SLC51A: variants seen among roughly 807,000 people sequenced by gnomAD.
The protein encoded by SLC51A is organic solute transporter subunit alpha.
In SLC51A, 22 loss-of-function variants were observed where a neutral mutation model predicts 34.8. The observed-to-expected ratio is 0.63, with a 90% confidence interval of 0.45 to 0.90. SLC51A has a LOEUF of 0.90. SLC51A is among the 40% of genes least tolerant of loss of function. The probability of loss-of-function intolerance (pLI) is 0.00; values close to 1 mark genes in which losing one functional copy is unlikely to be tolerated. For missense variants in SLC51A, 371 were observed against 414.8 expected, an observed-to-expected ratio of 0.89 and a Z score of 0.92; for synonymous variants, 181 against 176.3, an observed-to-expected ratio of 1.03 and a Z score of -0.21.
chr3:196,225,155 G>A (rs558217505), intron 2 of SLC51A, among the ~76,000 whole-genome samples: 4 of 151,700 alleles, frequency 2.6e-5, no homozygotes, highest in Non-Finnish European at 5.9e-5. Flanking sequence ...TGTATTTTTA[G>A]TAGAGGTGGG....
Position 196,233,295 on chromosome 3 carries a change from C to T in SLC51A, c.*96C>T. ...CTTGACCAAATGGGAAGCATTCCCC[C>T]TTGTCAACACAAGCTGGCAGATACA... On this transcript the variant is annotated 3_prime_UTR_variant, in exon 9 of 9. Coordinates refer to ENST00000296327, the MANE Select transcript of SLC51A (RefSeq NM_152672.6). The T allele has an allele frequency of 1.5e-6, 2 of 1,326,756 alleles. No individual in the cohort carries two copies. Among genetic ancestry groups the T allele is most frequent in the Non-Finnish European group, 2.1e-6 (2 of 961,064 alleles). The allele number at this position is 1,326,756 out of a possible 1,614,324, so 82.2% of individuals were successfully genotyped here.
intron 2 of SLC51A, among the ~76,000 whole-genome samples, chr3:196,224,717 AGGG>A (rs545733198): frequency 1.7e-5 from 1 of 59,664 alleles, no homozygotes; most frequent in African/African-American, 6.5e-5. Context: ...AGGAGATGGG[AGGG>A]GAGGAGAGGG....
intron 2 of SLC51A, among the ~76,000 whole-genome samples, chr3:196,220,416 G>GTTTTCAC (rs1453984512): frequency 7.2e-5 from 11 of 152,182 alleles, no homozygotes; most frequent in Non-Finnish European, 1.3e-4. Context: ...GGCCAATGTG[G>GTTTTCAC]TGAAATCCTG....
chr3:196,220,371 C>G (rs907874561), intron 2 of SLC51A, among the ~76,000 whole-genome samples: 1 of 152,096 alleles, frequency 6.6e-6, no homozygotes, highest in Non-Finnish European at 1.5e-5. Flanking sequence ...CCGAGGCAGG[C>G]GGATCATCTG....
chr3:196,231,885 T>G (rs1458419934), intron 7 of SLC51A, among the ~76,000 whole-genome samples: 2 of 148,534 alleles, frequency 1.3e-5, no homozygotes, highest in East Asian at 4.4e-4. Flanking sequence ...GATTTTGAAG[T>G]GTCAGGTTCT....
chr3:196,232,726 T>G (rs933331023), intron 8 of SLC51A: 1 of 594,040 alleles, frequency 1.7e-6, no homozygotes, highest in Non-Finnish European at 3.0e-6. Context: ...CCCCACAGCT[T>G]GAGGCCAGCC....
chr3:196,220,854 C>T (rs896115739), intron 2 of SLC51A, among the ~76,000 whole-genome samples: 8 of 151,480 alleles, frequency 5.3e-5, no homozygotes, highest in South Asian at 2.1e-4. Context: ...ACTCCTTCCT[C>T]GCTTCATTTG....
At chr3:196,232,651 G>A (rs573682497) in intron 8 of SLC51A, 127 bp downstream of exon 8, 20 of 707,838 alleles carry the variant, frequency 2.8e-5, no homozygotes, top group Middle Eastern at 2.4e-4. Context: ...AGGGATCTTC[G>A]GGAAATCCCA....
intron 6 of SLC51A, 87 bp from the exon 7 acceptor site, chr3:196,229,828 G>C: frequency 6.9e-7 from 1 of 1,456,110 alleles, no homozygotes; most frequent in Admixed American, 2.2e-5. Context: ...ACTTTCAGCT[G>C]GGTGACAGAG....
Position 196,228,962 on chromosome 3 carries a change from A to G in SLC51A, c.633+42A>G. 5.4e-6 allele frequency: 8 copies of G among 1,474,510 alleles called. No individual in the cohort carries two copies. Among genetic ancestry groups the G allele is most frequent in the Non-Finnish European group, 7.6e-6 (8 of 1,052,356 alleles). The allele number at this position is 1,474,510 out of a possible 1,614,324, so 91.3% of individuals were successfully genotyped here. ...GGACAGCACAGTCCAAGACTCATTT[A>G]GTACCTTTGTGTTCTAAAAGGAATC... On this transcript the variant is annotated intron_variant, in intron 6 of 8. Coordinates refer to ENST00000296327, the MANE Select transcript of SLC51A (RefSeq NM_152672.6). The surrounding 1 kb of genome is among the most constrained non-coding windows in gnomAD (Gnocchi z 4.9).
chr3:196,227,145 G>T (rs773551671), intron 3 of SLC51A, 26 bp downstream of exon 3: 5 of 1,607,392 alleles, frequency 3.1e-6, no homozygotes, highest in Non-Finnish European at 3.4e-6. Context: ...CTGCCCTGTG[G>T]GGGGAACTGA....
intron 2 of SLC51A, among the ~76,000 whole-genome samples, chr3:196,221,377 C>T (rs1244480923): frequency 2.0e-5 from 3 of 152,032 alleles, no homozygotes; most frequent in Non-Finnish European, 4.4e-5. Context: ...AGTGATCCTC[C>T]CACCTCATCC....
chr3:196,223,420 T>G (rs577360622), intron 2 of SLC51A, among the ~76,000 whole-genome samples: 1 of 151,826 alleles, frequency 6.6e-6, no homozygotes, highest in African/African-American at 2.4e-5. Context: ...CAAATAGCCC[T>G]GATGTGGGCG....
rs769036592 is a variant in SLC51A at position 196,229,913 on chromosome 3, A to T, written c.634-2A>T. The T allele has an allele frequency of 5.6e-6, 9 of 1,594,416 alleles. No homozygotes were observed. Among genetic ancestry groups the T allele is most frequent in the Non-Finnish European group, 7.7e-6 (9 of 1,170,608 alleles). On this transcript the variant is annotated splice_acceptor_variant, in intron 6 of 8. Transcript: ENST00000296327. LOFTEE classifies it high-confidence loss of function. ...TCACTGACTACTTTCTGTTGCCACC[A>T]GATTTCTGAGGGGAGCACAGCTCTA...
At position 196,229,759 on chromosome 3, in the gene SLC51A, C is replaced by T. The variant is rs1395673974; in HGVS notation, c.634-156C>T. 4.6e-5 allele frequency: 34 copies of T among 744,248 alleles called. No homozygotes were observed. The South Asian group carries it at 8.8e-4, about 19-fold the overall frequency. The allele number at this position is 744,248 out of a possible 1,614,324, so 46.1% of individuals were successfully genotyped here. On this transcript the variant is annotated intron_variant, in intron 6 of 8. Coordinates refer to ENST00000296327, the MANE Select transcript of SLC51A (RefSeq NM_152672.6). ...GTCCCAGCTACTCAGAAGCCTGAGG[C>T]GAGGGGATCACTGGAGCCAGGAGTG...
chr3:196,217,802 C>CA (rs1560150128), intron 1 of SLC51A, 40 bp from the exon 2 acceptor site: 3 of 1,588,258 alleles, frequency 1.9e-6, no homozygotes, highest in Admixed American at 3.4e-5. Flanking sequence ...CCCCTTCCCC[C>CA]AGCCCCCATG....
At position 196,229,910 on chromosome 3, in the gene SLC51A, A is replaced by G; in HGVS notation, c.634-5A>G. ...GCCTCACTGACTACTTTCTGTTGCC[A>G]CCAGATTTCTGAGGGGAGCACAGCT... is the stretch of plus-strand genomic sequence containing the variant. On this transcript the variant is annotated splice_region_variant and splice_polypyrimidine_tract_variant and intron_variant, in intron 6 of 8. Transcript: ENST00000296327. 6.3e-7 allele frequency: 1 copy of G among 1,592,142 alleles called. No individual in the cohort carries two copies. The highest frequency in any genetic ancestry group is 1.1e-5 in the South Asian group (1 of 88,002).
At chr3:196,227,923 C>T in intron 4 of SLC51A, 186 bp downstream of exon 4, 2 of 943,156 alleles carry the variant, frequency 2.1e-6, no homozygotes, top group Non-Finnish European at 3.2e-6. Context: ...CATTCCTCAG[C>T]CAGCCCTCTG....
intron 7 of SLC51A, among the ~76,000 whole-genome samples, chr3:196,231,404 CCTT>C (rs759043773): frequency 3.3e-5 from 5 of 152,202 alleles, no homozygotes; most frequent in Non-Finnish European, 7.3e-5. Context: ...GTCTTGTTCT[CCTT>C]CTCTCTCCAT....
Sources: allele counts gnomAD v4.1 joint callset (sites outside exome capture counted in the v4.1 genomes callset), GRCh38; gene constraint gnomAD v4.1.1; non-coding constraint Gnocchi (gnomAD v3.1); transcripts MANE v1.5; gene names NCBI Gene and HGNC (gene_info 2026-07-23, HGNC 2026-07-21).